DDX46: variants seen among roughly 807,000 people sequenced by gnomAD.
The protein encoded by DDX46 is probable ATP-dependent RNA helicase DDX46.
A neutral mutation model predicts 134.9 loss-of-function variants in DDX46; 30 were observed. The ratio of observed to expected loss-of-function variants is 0.22; its 90% CI spans 0.17 to 0.30. The LOEUF (loss-of-function observed/expected upper bound fraction) is 0.30. DDX46 is among the 10% of genes least tolerant of loss of function. The pLI is 1.00. For synonymous variants in DDX46, 415 were observed against 404.1 expected (o/e 1.03, Z -0.32); for missense variants, 622 against 1,248.7 (o/e 0.50, Z 7.56).
rs1469781780 is a variant in DDX46, at chr5:134,830,597, T to C, written c.*1891T>C. The C allele has an allele frequency of 1.3e-5, 2 of 152,348 alleles. No individual in the cohort carries two copies. The highest frequency in any genetic ancestry group is 4.8e-5 in the African/African-American group (2 of 41,464). The allele number at this position is 152,348 out of a possible 1,614,324, so 9.4% of individuals were successfully genotyped here. Reference sequence around the variant, plus strand: ...AAGTGATAGGGAGTATTAATCATTATTTCTTCAGTATAAAGTTATTCTTCC... The same window carrying C: ...AAGTGATAGGGAGTATTAATCATTACTTCTTCAGTATAAAGTTATTCTTCC... On this transcript the variant is annotated 3_prime_UTR_variant, in exon 23 of 23. Coordinates refer to ENST00000452510, the MANE Select transcript of DDX46 (RefSeq NM_001300860.2).
intron 6 of DDX46, among the ~76,000 whole-genome samples, chr5:134,779,839 C>T (rs1364412580): frequency 1.3e-5 from 2 of 152,210 alleles, no homozygotes; most frequent in Non-Finnish European, 2.9e-5. Context: ...TGGCTCATGC[C>T]TGTAATCCCA....
At position 134,821,900 on chromosome 5, in the gene DDX46, T is replaced by G. The variant is rs148730749; in HGVS notation, c.2977+2896T>G. ...TGTATTTTTAGGTTTTTTTTTGTTT[T>G]TTTTTTTTTTGAGATGGAGTCTCAC... is the stretch of plus-strand genomic sequence containing the variant. On this transcript the variant is annotated intron_variant, in intron 21 of 22. Coordinates refer to ENST00000452510, the MANE Select transcript of DDX46 (RefSeq NM_001300860.2). Among the ~76,000 whole-genome samples, 157 of 150,584 alleles carry G rather than the reference T, an allele frequency of 1.0e-3. 1 individual carries two copies. In the East Asian group the frequency reaches 0.027, roughly 26 times the overall value.
At chr5:134,827,718 A>AATTC (rs112697206) in intron 22 of DDX46, among the ~76,000 whole-genome samples, 10,202 of 152,210 alleles carry the variant, frequency 0.067, 730 homozygotes, top group African/African-American at 0.19. Context: ...ATGTAGCAAT[A>AATTC]ATTCATTTTC....
At chr5:134,793,483 C>T (rs1431507602) in intron 13 of DDX46, among the ~76,000 whole-genome samples, 2 of 152,152 alleles carry the variant, frequency 1.3e-5, no homozygotes, top group Non-Finnish European at 2.9e-5. Flanking sequence ...TGGCTCACTG[C>T]AACCTCCGCC....
chr5:134,814,670 A>T (rs1044335659), intron 18 of DDX46, among the ~76,000 whole-genome samples: 1 of 152,210 alleles, frequency 6.6e-6, no homozygotes, highest in Non-Finnish European at 1.5e-5. Context: ...AGGCTGGAGT[A>T]AAGTGGCGTG....
chr5:134,806,510 G>A (rs528586316), intron 15 of DDX46, among the ~76,000 whole-genome samples: 3 of 152,002 alleles, frequency 2.0e-5, no homozygotes, highest in African/African-American at 7.2e-5. Flanking sequence ...AAAAGTTTTG[G>A]TATTTTCAAA....
At position 134,794,872 on chromosome 5, in the gene DDX46, T is replaced by G. The variant is rs760064317; in HGVS notation, c.1649T>G (p.Val550Gly). The G allele has an allele frequency of 6.2e-7, 1 of 1,614,244 alleles. No individual in the cohort carries two copies. Among genetic ancestry groups the G allele is most frequent in the Non-Finnish European group, 8.5e-7 (1 of 1,180,044 alleles). The change falls in exon 14 of 23, where the codon GTT becomes GGT. Residue 550 changes from valine to glycine, a missense_variant. By Grantham distance (109) the Val-to-Gly change is moderately radical. Transcript: ENST00000452510. The stretch of plus-strand genomic sequence containing the variant: ...CAGGTCATGCGCATCGTGGATAATG[T>G]TCGTCCTGATCGACAGACGGTTATG... Reference protein sequence around the residue: ...EPQVMRIVDNVRPDRQTVMFS... With the variant: ...EPQVMRIVDNGRPDRQTVMFS...
chr5:134,785,495 C>G lies in DDX46; in HGVS notation c.1373C>G (p.Ala458Gly). The G allele has an allele frequency of 6.2e-7, 1 of 1,613,628 alleles. No homozygotes were observed. Among genetic ancestry groups the G allele is most frequent in the Non-Finnish European group, 8.5e-7 (1 of 1,179,822 alleles). Residue 458 changes from alanine to glycine, a missense_variant, in exon 11 of 23, where the codon GCT (alanine) becomes GGT (glycine). Ala to Gly is a moderately conservative substitution (Grantham distance 60, BLOSUM62 0). Around this residue, in one of 8 missense-constraint regions of DDX46, gnomAD observed 209 missense variants for 508.4 expected, o/e 0.41. Transcript: ENST00000452510. ...ATCATGACTCCAACTCGAGAACTGG[C>G]TTTACAGATTACTAAAGAGTGTAAG... ...AVIMTPTREL[A>G]LQITKECKKF...
At chr5:134,764,178 CT>C in intron 2 of DDX46, 86 bp downstream of exon 2, 2 of 1,387,650 alleles carry the variant, frequency 1.4e-6, no homozygotes, top group Non-Finnish European at 1.9e-6. Context: ...ATGTTTTCAA[CT>C]GGAGTTTGGT....
chr5:134,819,912 G>T (rs534469572), intron 21 of DDX46, among the ~76,000 whole-genome samples: 1 of 151,948 alleles, frequency 6.6e-6, no homozygotes, highest in South Asian at 2.1e-4. Context: ...TTTGATTTTT[G>T]TTTTGTTTTG....
intron 15 of DDX46, among the ~76,000 whole-genome samples, chr5:134,807,213 G>A (rs368978093): frequency 1.1e-4 from 16 of 149,790 alleles, no homozygotes; most frequent in African/African-American, 2.7e-4. Flanking sequence ...GTAGAGACGG[G>A]GTTTCACCAT....
chr5:134,789,899 A>G (rs921306875), intron 12 of DDX46, among the ~76,000 whole-genome samples: 3 of 152,184 alleles, frequency 2.0e-5, no homozygotes, highest in Admixed American at 2.0e-4. Context: ...GTGTTTTGGT[A>G]TTTAAAGTTT....
chr5:134,791,592 T>G (rs891839856), intron 13 of DDX46, among the ~76,000 whole-genome samples: 1 of 151,662 alleles, frequency 6.6e-6, no homozygotes, highest in Admixed American at 6.6e-5. Context: ...AAGGTTTTCT[T>G]AAGAAGATCA....
At chr5:134,804,960 C>G (rs1043454356) in intron 15 of DDX46, 13 of 357,578 alleles carry the variant, frequency 3.6e-5, no homozygotes, top group Middle Eastern at 1.1e-3. Flanking sequence ...TCTCACAACA[C>G]AAACCCCTTG....
chr5:134,828,555 A>G, intron 22 of DDX46, 104 bp from the exon 23 acceptor site: 3 of 670,802 alleles, frequency 4.5e-6, no homozygotes, highest in Admixed American at 3.8e-5. Flanking sequence ...ATGATCTTAA[A>G]TATTTCCTTT....
At chr5:134,795,281 T>C (rs1053083352) in intron 14 of DDX46, among the ~76,000 whole-genome samples, 3 of 146,670 alleles carry the variant, frequency 2.0e-5, no homozygotes, top group African/African-American at 7.8e-5. Flanking sequence ...GTCCCCGGAG[T>C]TCTGGGCTGT....
chr5:134,807,519 T>A (rs952009969), intron 15 of DDX46, among the ~76,000 whole-genome samples: 1 of 152,208 alleles, frequency 6.6e-6, no homozygotes, highest in Non-Finnish European at 1.5e-5. Flanking sequence ...TTTGCAAATA[T>A]AAACCTTATA....
chr5:134,764,889 TC>T (rs1753514264), intron 2 of DDX46, among the ~76,000 whole-genome samples: 1 of 149,552 alleles, frequency 6.7e-6, no homozygotes, highest in African/African-American at 2.5e-5. Flanking sequence ...CTCTCTCCCT[TC>T]CTCCCTCACT....
chr5:134,790,022 G>GAGACATTT, intron 12 of DDX46: 1 of 455,032 alleles, frequency 2.2e-6, no homozygotes, highest in Non-Finnish European at 4.4e-6. Context: ...ATAATATAGA[G>GAGACATTT]AGACATTTTC....
Sources: gnomAD v4.1 joint callset for allele counts (sites outside exome capture counted in the v4.1 genomes callset) on GRCh38, gnomAD v4.1.1 for gene constraint, gnomAD v4.1.1 regional missense constraint, MANE v1.5 for transcripts, NCBI Gene and HGNC (gene_info 2026-07-23, HGNC 2026-07-21) for gene names.